The following CSGALNACT1 variants were observed in gnomAD, a reference collection of about 807,000 sequenced individuals.
CSGALNACT1 encodes beta4GalNAcT-1.
CSGALNACT1 carries 52 observed loss-of-function variants against 51.0 expected under a neutral mutation model. The ratio of observed to expected loss-of-function variants is 1.02; its 90% CI spans 0.82 to 1.29. The LOEUF (loss-of-function observed/expected upper bound fraction) is 1.29. Among genes scored for constraint, CSGALNACT1 ranks in the 50% most tolerant of loss-of-function variants. The pLI, the probability that CSGALNACT1 is intolerant of heterozygous loss-of-function variation, is 0.00. For synonymous variants in CSGALNACT1, 341 were observed against 254.4 expected (o/e 1.34, Z -3.24); for missense variants, 935 against 679.2 (o/e 1.38, Z -4.19).
At chr8:19,728,291 A>G (rs1188790565) in intron 1 of CSGALNACT1, among the ~76,000 whole-genome samples, 1 of 152,230 alleles carries the variant, frequency 6.6e-6, no homozygotes, top group African/African-American at 2.4e-5. Flanking sequence ...TCATTTTTCC[A>G]CAGCCACGGT....
chr8:19,580,679 C>A (rs965182599), intron 3 of CSGALNACT1, among the ~76,000 whole-genome samples: 11 of 152,090 alleles, frequency 7.2e-5, no homozygotes, highest in African/African-American at 2.4e-4. Flanking sequence ...GATCAAATGA[C>A]CAAAACCAAG....
At chr8:19,428,166 G>A (rs1019213297) in intron 6 of CSGALNACT1, among the ~76,000 whole-genome samples, 5 of 152,138 alleles carry the variant, frequency 3.3e-5, no homozygotes, top group Non-Finnish European at 7.4e-5. Context: ...GCACCCTGAG[G>A]CATGCATCCC....
rs943298126 is a variant in CSGALNACT1, at chr8:19,544,621, C to G, written c.-296-38491G>C. On this transcript the variant is annotated intron_variant, in intron 3 of 9. Transcript: ENST00000454498. ...TCAGAATTCTGGAGAGGATTTGAAA[C>G]TGCCTTATCCAAATATTTTGTTATA... Among the ~76,000 whole-genome samples the G allele has an allele frequency of 2.0e-5, 3 of 152,150 alleles. No individual in the cohort carries two copies. The East Asian group carries it at 5.8e-4, about 29-fold the overall frequency.
At chr8:19,745,101 T>G (rs1367179563) in intron 1 of CSGALNACT1, among the ~76,000 whole-genome samples, 3 of 152,240 alleles carry the variant, frequency 2.0e-5, no homozygotes, top group Non-Finnish European at 4.4e-5. Context: ...ACCCGAAGTA[T>G]TCCATCGATG....
intron 1 of CSGALNACT1, among the ~76,000 whole-genome samples, chr8:19,730,688 G>A (rs2063644571): frequency 6.6e-6 from 1 of 152,208 alleles, no homozygotes; most frequent in Non-Finnish European, 1.5e-5. Flanking sequence ...ATCCAGTGAC[G>A]GAGTTGCCTG....
intron 2 of CSGALNACT1, among the ~76,000 whole-genome samples, chr8:19,598,794 G>A (rs1197018586): frequency 1.3e-5 from 2 of 152,190 alleles, no homozygotes; most frequent in African/African-American, 4.8e-5. Flanking sequence ...GCAATGACAC[G>A]TGCCCATAAG....
At chr8:19,724,831 G>C (rs1421920050) in intron 1 of CSGALNACT1, among the ~76,000 whole-genome samples, 2 of 152,190 alleles carry the variant, frequency 1.3e-5, no homozygotes, top group Non-Finnish European at 2.9e-5. Context: ...CATGTGTCAT[G>C]ACCTTTCAGG....
At chr8:19,664,496 A>G (rs193193405) in intron 1 of CSGALNACT1, among the ~76,000 whole-genome samples, 4 of 152,308 alleles carry the variant, frequency 2.6e-5, no homozygotes, top group African/African-American at 9.6e-5. Context: ...TATCTACCCA[A>G]AGGAAAAATC....
chr8:19,728,298 C>T (rs190824207), intron 1 of CSGALNACT1, among the ~76,000 whole-genome samples: 89 of 152,180 alleles, frequency 5.8e-4, no homozygotes, highest in Middle Eastern at 3.4e-3. Context: ...TCCACAGCCA[C>T]GGTTTAACAA....
intron 1 of CSGALNACT1, among the ~76,000 whole-genome samples, chr8:19,696,895 C>T (rs2061612404): frequency 6.6e-6 from 1 of 152,100 alleles, no homozygotes; most frequent in South Asian, 2.1e-4. Context: ...TAGGCAGAGC[C>T]TCCCAGGCAG....
intron 2 of CSGALNACT1, among the ~76,000 whole-genome samples, chr8:19,597,718 C>T (rs1307141590): frequency 6.6e-6 from 1 of 152,224 alleles, no homozygotes; most frequent in Non-Finnish European, 1.5e-5. Context: ...AGGGGAAAGG[C>T]TGGTACACCG....
chr8:19,537,920 G>C (rs190128374), intron 3 of CSGALNACT1, among the ~76,000 whole-genome samples: 69 of 152,272 alleles, frequency 4.5e-4, no homozygotes, highest in African/African-American at 1.6e-3. Context: ...CTTTTGCTCT[G>C]CAAAATTCTT....
intron 4 of CSGALNACT1, among the ~76,000 whole-genome samples, chr8:19,486,050 G>C (rs1316723156): frequency 6.6e-6 from 1 of 151,434 alleles, no homozygotes; most frequent in Non-Finnish European, 1.5e-5. Context: ...ACAGGCGTGA[G>C]CCACCGTACT....
intron 3 of CSGALNACT1, among the ~76,000 whole-genome samples, chr8:19,539,911 G>T (rs574086548): frequency 1.3e-5 from 2 of 152,312 alleles, no homozygotes; most frequent in African/African-American, 4.8e-5. Flanking sequence ...AGCCTGGAAA[G>T]AAAGTTCTGC....
intron 3 of CSGALNACT1, among the ~76,000 whole-genome samples, chr8:19,580,114 C>T (rs926885973): frequency 3.3e-5 from 5 of 152,232 alleles, no homozygotes; most frequent in African/African-American, 4.8e-5. Flanking sequence ...ACTGGACGAG[C>T]AGACAGCTGC....
At chr8:19,493,654 G>C (rs544268444) in intron 4 of CSGALNACT1, among the ~76,000 whole-genome samples, 1 of 152,272 alleles carries the variant, frequency 6.6e-6, no homozygotes, top group South Asian at 2.1e-4. Context: ...CATTTATGCT[G>C]CAGCATGTTA....
chr8:19,507,468 T>TC (rs1300576644), intron 3 of CSGALNACT1, among the ~76,000 whole-genome samples: 2 of 139,432 alleles, frequency 1.4e-5, no homozygotes, highest in Non-Finnish European at 3.0e-5. Context: ...AGCACACTCC[T>TC]CTTCAGATGT....
intron 1 of CSGALNACT1, among the ~76,000 whole-genome samples, chr8:19,720,949 T>C (rs1329705691): frequency 1.3e-5 from 2 of 152,128 alleles, no homozygotes; most frequent in Non-Finnish European, 2.9e-5. Flanking sequence ...TCAGATCTCA[T>C]CTCCTATAGG....
intron 8 of CSGALNACT1, among the ~76,000 whole-genome samples, chr8:19,409,966 G>A (rs1036998224): frequency 6.6e-6 from 1 of 152,038 alleles, no homozygotes; most frequent in African/African-American, 2.4e-5. Flanking sequence ...CCCCCTTCCT[G>A]AAGTTTCACC....
Sources: allele counts gnomAD v4.1 joint callset (sites outside exome capture counted in the v4.1 genomes callset), GRCh38; gene constraint gnomAD v4.1.1; transcripts MANE v1.5; gene names NCBI Gene and HGNC (gene_info 2026-07-23, HGNC 2026-07-21).